NRXN3: variants seen among roughly 807,000 people sequenced by gnomAD.
NRXN3 encodes neurexin 3.
In NRXN3, 32 loss-of-function variants were observed where a neutral mutation model predicts 137.6. The observed-to-expected ratio is 0.23, with a 90% CI of 0.18 to 0.31. The LOEUF (loss-of-function observed/expected upper bound fraction) is 0.31, where lower values mean the gene tolerates loss of function less well. Ranked by LOEUF, NRXN3 falls within the 10% of genes least tolerant of loss-of-function variation. The pLI, the probability that NRXN3 is intolerant of heterozygous loss-of-function variation, is 1.00. For synonymous variants in NRXN3, 798 were observed against 784.5 expected (o/e 1.02, Z -0.29); for missense variants, 1,574 against 2,062.5 (o/e 0.76, Z 4.59).
At chr14:78,633,277 T>C (rs2097539139) in intron 4 of NRXN3, among the ~76,000 whole-genome samples, 1 of 115,264 alleles carries the variant, frequency 8.7e-6, no homozygotes, top group Non-Finnish European at 1.7e-5. Flanking sequence ...AAGAGACTGG[T>C]AATAGCCTGA....
intron 8 of NRXN3, among the ~76,000 whole-genome samples, chr14:78,793,235 AT>A (rs2098810915): frequency 6.6e-6 from 1 of 152,216 alleles, no homozygotes; most frequent in African/African-American, 2.4e-5. Flanking sequence ...CCCCCAAAAA[AT>A]AAAAGACATT....
intron 6 of NRXN3, among the ~76,000 whole-genome samples, chr14:78,692,597 A>G (rs2098182278): frequency 6.6e-6 from 1 of 152,210 alleles, no homozygotes; most frequent in Non-Finnish European, 1.5e-5. Flanking sequence ...CCAACCATAC[A>G]GCCTCATAGT....
intron 17 of NRXN3, among the ~76,000 whole-genome samples, chr14:79,690,000 A>T (rs1009263817): frequency 3.9e-5 from 6 of 152,176 alleles, no homozygotes; most frequent in African/African-American, 9.6e-5. Flanking sequence ...AGTAGAATGA[A>T]GGTCATTAAT....
At chr14:79,040,854 A>G (rs961227272) in intron 15 of NRXN3, among the ~76,000 whole-genome samples, 1 of 152,066 alleles carries the variant, frequency 6.6e-6, no homozygotes, top group East Asian at 1.9e-4. Flanking sequence ...CTTACTGCAC[A>G]TGTGTTGAGG....
At chr14:79,279,417 C>T in intron 15 of NRXN3, 3 of 986,168 alleles carry the variant, frequency 3.0e-6, no homozygotes, top group Non-Finnish European at 3.6e-6. Flanking sequence ...CCGCGCACTT[C>T]GCAGGCGCCC....
At chr14:79,105,624 C>G (rs1418822109) in intron 15 of NRXN3, among the ~76,000 whole-genome samples, 1 of 152,112 alleles carries the variant, frequency 6.6e-6, no homozygotes, top group Non-Finnish European at 1.5e-5. Flanking sequence ...AATTCTTACC[C>G]CATTTCAGGC....
At chr14:79,287,639 A>G (rs1213837858) in intron 15 of NRXN3, among the ~76,000 whole-genome samples, 4 of 152,288 alleles carry the variant, frequency 2.6e-5, no homozygotes, top group African/African-American at 7.2e-5. Context: ...GGAGCACAAT[A>G]TTATGCCAGA....
chr14:78,723,527 G>A (rs1379439711), intron 8 of NRXN3, among the ~76,000 whole-genome samples: 1 of 152,200 alleles, frequency 6.6e-6, no homozygotes, highest in Admixed American at 6.5e-5. Context: ...CCATTAAGCA[G>A]ATGTAGCTGA....
chr14:78,912,059 A>T (rs994034317), intron 10 of NRXN3, among the ~76,000 whole-genome samples: 1 of 151,388 alleles, frequency 6.6e-6, no homozygotes, highest in African/African-American at 2.4e-5. Flanking sequence ...TCCTAATGCT[A>T]TCCCTCCCCC....
intron 15 of NRXN3, among the ~76,000 whole-genome samples, chr14:79,179,559 C>T (rs1005403496): frequency 6.6e-6 from 1 of 152,106 alleles, no homozygotes; most frequent in South Asian, 2.1e-4. Flanking sequence ...CAGCAATTTG[C>T]GTTTCAACAA....
chr14:78,811,540 G>A (rs10138649), intron 10 of NRXN3, among the ~76,000 whole-genome samples: 2,928 of 152,286 alleles, frequency 0.019, 94 homozygotes, highest in African/African-American at 0.066. Flanking sequence ...AGAAAAACTG[G>A]ATTAGTTGAT....
rs991542249 is a variant in NRXN3 at position 78,896,183 on chromosome 14, G to C, written c.2276-61059G>C. ...AAGCACAAAAAAACTAGGTATGCTT[G>C]TGATAGGTTTCTCTCCTATTCTTTG... is the stretch of plus-strand genomic sequence containing the variant. On this transcript the variant is annotated intron_variant, in intron 10 of 20. Transcript: ENST00000335750. 2.0e-5 allele frequency among the ~76,000 whole-genome samples: 3 copies of C among 151,896 alleles called. No individual in the cohort carries two copies. The East Asian group carries it at 5.8e-4, about 29-fold the overall frequency.
chr14:78,243,451 C>T lies in NRXN3; in HGVS notation c.358C>T (p.Arg120Cys), dbSNP rs761591583. Reference sequence around the variant, plus strand: ...CCTCATGGTGAGCCGTGACCGCCTGCGCACGGTGCTGATGCTTGATGGCGA... The same window carrying T: ...CCTCATGGTGAGCCGTGACCGCCTGTGCACGGTGCTGATGCTTGATGGCGA... ...HFLMVSRDRL[R>C]TVLMLDGEGQ... The change falls in exon 2 of 21, where the codon CGC (arginine) becomes TGC (cysteine). Residue 120 changes from arginine (R) to cysteine (C), a missense_variant. Arg to Cys is a radical substitution (Grantham distance 180). Transcript: ENST00000335750. The surrounding 1 kb of genome is among the most constrained non-coding windows in gnomAD (Gnocchi z 4.2). The T allele has an allele frequency of 7.6e-6, 12 of 1,576,568 alleles. No homozygotes were observed. The highest frequency in any genetic ancestry group is 5.3e-5 in the Admixed American group (3 of 56,276).
At chr14:78,398,570 G>A (rs1487984553) in intron 4 of NRXN3, among the ~76,000 whole-genome samples, 1 of 152,054 alleles carries the variant, frequency 6.6e-6, no homozygotes, top group Non-Finnish European at 1.5e-5. Flanking sequence ...TTCCTATGAG[G>A]CCTCCATTGA....
chr14:78,503,586 T>C (rs1281528725), intron 4 of NRXN3, among the ~76,000 whole-genome samples: 1 of 151,976 alleles, frequency 6.6e-6, no homozygotes, highest in African/African-American at 2.4e-5. Context: ...ATTGTAAGCT[T>C]TGAGGTATGT....
intron 8 of NRXN3, among the ~76,000 whole-genome samples, chr14:78,732,534 G>C (rs1383204653): frequency 6.6e-6 from 1 of 152,118 alleles, no homozygotes; most frequent in Admixed American, 6.6e-5. Flanking sequence ...GAAGACATCA[G>C]AGTCTTCTCC....
At chr14:79,216,718 A>G (rs972588887) in intron 15 of NRXN3, among the ~76,000 whole-genome samples, 2 of 152,186 alleles carry the variant, frequency 1.3e-5, no homozygotes, top group African/African-American at 4.8e-5. Flanking sequence ...GCAACCAATC[A>G]ATATTACTTT....
intron 4 of NRXN3, among the ~76,000 whole-genome samples, chr14:78,471,545 C>CT (rs2095272588): frequency 6.6e-6 from 1 of 152,074 alleles, no homozygotes. Context: ...ACTGAGCAGG[C>CT]TTTTTTTGCT....
intron 2 of NRXN3, among the ~76,000 whole-genome samples, chr14:78,269,750 T>G (rs2072411021): frequency 6.6e-6 from 1 of 152,098 alleles, no homozygotes; most frequent in Admixed American, 6.5e-5. Flanking sequence ...ACACTTTATT[T>G]TGTATTGAAT....
Sources: gnomAD v4.1 joint callset for allele counts (sites outside exome capture counted in the v4.1 genomes callset) on GRCh38, gnomAD v4.1.1 for gene constraint, Gnocchi (gnomAD v3.1) non-coding constraint, MANE v1.5 for transcripts, NCBI Gene and HGNC (gene_info 2026-07-23, HGNC 2026-07-21) for gene names.